PLAC8: variants seen among roughly 807,000 people sequenced by gnomAD.
The protein encoded by PLAC8 is placenta-specific gene 8 protein.
Under a neutral mutation model 12.6 loss-of-function variants are expected in PLAC8, and 6 were observed. The ratio of observed to expected loss-of-function variants is 0.48; its 90% CI spans 0.26 to 0.94. The LOEUF (loss-of-function observed/expected upper bound fraction) is 0.94, where lower values mean the gene tolerates loss of function less well. PLAC8 is among the 40% of genes least tolerant of loss of function. The pLI is 0.14. For missense variants in PLAC8, 122 were observed against 152.7 expected, an observed-to-expected ratio of 0.80 and a Z score of 1.06; for synonymous variants, 54 against 52.6, an observed-to-expected ratio of 1.03 and a Z score of -0.11.
At chr4:83,110,219 A>C (rs1732394831) in intron 1 of PLAC8, among the ~76,000 whole-genome samples, 1 of 152,262 alleles carries the variant, frequency 6.6e-6, no homozygotes, top group South Asian at 2.1e-4. Context: ...CTGGGATTGG[A>C]AAGTAAGACA....
In PLAC8 at chr4:83,090,149, AC is replaced by A. The variant is rs1478533962; in HGVS notation, c.*831del. The A allele has an allele frequency of 6.6e-6, 1 of 151,930 alleles. No homozygotes were observed. The highest frequency in any genetic ancestry group is 2.4e-5 in the African/African-American group (1 of 41,338). The allele number at this position is 151,930 out of a possible 1,614,324, so 9.4% of individuals were successfully genotyped here. A position where few individuals can be genotyped will look rare whatever the true frequency, so the allele number is the denominator to read the frequency against. On this transcript the variant is annotated 3_prime_UTR_variant, in exon 5 of 5. Coordinates refer to ENST00000311507, the MANE Select transcript of PLAC8 (RefSeq NM_016619.3). ...ACCAAAGTATGGTGCAGTGGCTCAC[AC>A]CTGTAATTCCAGCACCTTGGGAGGC...
At chr4:83,104,439 G>A (rs1175397905) in intron 3 of PLAC8, among the ~76,000 whole-genome samples, 19 of 152,324 alleles carry the variant, frequency 1.2e-4, no homozygotes, top group Non-Finnish European at 4.4e-5. Flanking sequence ...ACAAAGTGGA[G>A]TTGGTGTAAT....
At chr4:83,110,350 A>G (rs551773321) in intron 1 of PLAC8, among the ~76,000 whole-genome samples, 5 of 151,414 alleles carry the variant, frequency 3.3e-5, no homozygotes, top group Non-Finnish European at 7.4e-5. Context: ...CTCTCTAGAC[A>G]CACTCATGCC....
intron 1 of PLAC8, among the ~76,000 whole-genome samples, chr4:83,113,365 T>C (rs1032031966): frequency 6.6e-6 from 1 of 152,244 alleles, no homozygotes; most frequent in African/African-American, 2.4e-5. Context: ...TGCGGGCCTG[T>C]GCAGTATCCT....
At chr4:83,094,522 A>G (rs1462156001) in intron 4 of PLAC8, 156 bp downstream of exon 4, 2 of 559,040 alleles carry the variant, frequency 3.6e-6, no homozygotes, top group South Asian at 2.4e-5. Context: ...CTTCATAAGA[A>G]GAAAATTAAA....
chr4:83,102,600 G>A (rs114531337), intron 3 of PLAC8, among the ~76,000 whole-genome samples: 2,266 of 152,262 alleles, frequency 0.015, 73 homozygotes, highest in African/African-American at 0.052. Context: ...CAACAGTAAA[G>A]GAGATTGGAA....
At chr4:83,108,861 T>A (rs916828139) in intron 1 of PLAC8, among the ~76,000 whole-genome samples, 1 of 152,216 alleles carries the variant, frequency 6.6e-6, no homozygotes, top group Admixed American at 6.5e-5. Flanking sequence ...TCTTTTTTGT[T>A]TTGGACTGAT....
chr4:83,095,386 A>T (rs1353151230), intron 3 of PLAC8, among the ~76,000 whole-genome samples: 1 of 152,198 alleles, frequency 6.6e-6, no homozygotes, highest in Non-Finnish European at 1.5e-5. Context: ...GGGTTAAAGG[A>T]CTCATAAGTA....
At chr4:83,114,359 C>A (rs1732484967) in intron 1 of PLAC8, among the ~76,000 whole-genome samples, 1 of 152,104 alleles carries the variant, frequency 6.6e-6, no homozygotes, top group Non-Finnish European at 1.5e-5. Flanking sequence ...AATTAATGAT[C>A]ATGTTACTAA....
chr4:83,099,634 G>A lies in PLAC8; in HGVS notation c.244-4843C>T, dbSNP rs528308783. ...CCTGGTGGGAGGTGACTGGATCATA[G>A]CAGCAGATTTTCCCTTTAGTACTGT... On this transcript the variant is annotated intron_variant, in intron 3 of 4. Coordinates refer to ENST00000311507, the MANE Select transcript of PLAC8 (RefSeq NM_016619.3). Among the ~76,000 whole-genome samples, 4 of 152,152 alleles carry A rather than the reference G, an allele frequency of 2.6e-5. No homozygotes were observed. The East Asian group carries it at 7.7e-4, about 29-fold the overall frequency.
intron 1 of PLAC8, among the ~76,000 whole-genome samples, chr4:83,109,350 T>G (rs1304288712): frequency 1.3e-5 from 2 of 152,236 alleles, no homozygotes; most frequent in African/African-American, 4.8e-5. Context: ...TTTTTAAAAA[T>G]GTACCATAAT....
At chr4:83,104,807 AG>A in intron 3 of PLAC8, 88 bp downstream of exon 3, 1 of 1,365,878 alleles carries the variant, frequency 7.3e-7, no homozygotes, top group East Asian at 2.3e-5. Flanking sequence ...CAATTTCAGA[AG>A]ATGTATACAT....
At chr4:83,107,206 CAAACAAAA>C (rs1732264158) in intron 2 of PLAC8, among the ~76,000 whole-genome samples, 2 of 100,230 alleles carry the variant, frequency 2.0e-5, no homozygotes, top group African/African-American at 4.1e-5. Context: ...GTCTCAAAAA[CAAACAAAA>C]AAAAAAAACA....
chr4:83,113,116 A>G (rs923064703), intron 1 of PLAC8, among the ~76,000 whole-genome samples: 1 of 152,204 alleles, frequency 6.6e-6, no homozygotes, highest in Admixed American at 6.5e-5. Context: ...GTTTAGATAG[A>G]ATGAGCTAGG....
intron 4 of PLAC8, chr4:83,093,140 CTGTT>C (rs1477296229): frequency 2.0e-5 from 3 of 152,204 alleles, no homozygotes; most frequent in Non-Finnish European, 2.9e-5. Flanking sequence ...CAGTGATCCT[CTGTT>C]TGCCCCTATC....
chr4:83,112,072 G>A (rs1189136368), intron 1 of PLAC8, among the ~76,000 whole-genome samples: 1 of 151,896 alleles, frequency 6.6e-6, no homozygotes, highest in Non-Finnish European at 1.5e-5. Flanking sequence ...TATTCGGGAG[G>A]CTGAGGCAGG....
At chr4:83,110,768 T>C (rs1050105323) in intron 1 of PLAC8, among the ~76,000 whole-genome samples, 4 of 152,252 alleles carry the variant, frequency 2.6e-5, no homozygotes, top group African/African-American at 7.2e-5. Flanking sequence ...AGTACTAACA[T>C]GGTCGAAACC....
At chr4:83,107,620 C>CTT (rs70946974) in intron 2 of PLAC8, among the ~76,000 whole-genome samples, 184 bp downstream of exon 2, 165 of 13,852 alleles carry the variant, frequency 0.012, 77 homozygotes, top group Non-Finnish European at 0.023. Flanking sequence ...CATACGGAGG[C>CTT]TTTTTTTTTT....
intron 3 of PLAC8, among the ~76,000 whole-genome samples, chr4:83,096,994 G>A (rs144124329): frequency 2.7e-3 from 415 of 152,232 alleles, no homozygotes; most frequent in African/African-American, 9.4e-3. Flanking sequence ...GTCTTCTCCC[G>A]TAGTATTTCC....
Sources: gnomAD v4.1 joint callset for allele counts (sites outside exome capture counted in the v4.1 genomes callset) on GRCh38, gnomAD v4.1.1 for gene constraint, MANE v1.5 for transcripts, NCBI Gene and HGNC (gene_info 2026-07-23, HGNC 2026-07-21) for gene names.